The following MGAT4C variants were observed in gnomAD, a reference collection of about 807,000 sequenced individuals.
The protein encoded by MGAT4C is MGAT4 family member C.
A neutral mutation model predicts 40.1 loss-of-function variants in MGAT4C; 19 were observed. That is an observed-to-expected ratio of 0.47 (90% CI 0.33 to 0.70). The LOEUF (loss-of-function observed/expected upper bound fraction) is 0.70. MGAT4C is among the 30% of genes least tolerant of loss of function. The probability of loss-of-function intolerance (pLI) is 0.02; values close to 1 mark genes in which losing one functional copy is unlikely to be tolerated. For synonymous variants in MGAT4C, 181 were observed against 187.1 expected (o/e 0.97, Z 0.27); for missense variants, 491 against 563.2 (o/e 0.87, Z 1.30).
At chr12:86,641,894 T>C (rs1226729122) in intron 2 of MGAT4C, among the ~76,000 whole-genome samples, 1 of 151,912 alleles carries the variant, frequency 6.6e-6, no homozygotes, top group African/African-American at 2.4e-5. Flanking sequence ...AATTGTTCTA[T>C]AAATGCTCAT....
intron 4 of MGAT4C, among the ~76,000 whole-genome samples, chr12:86,273,409 G>C (rs1486529953): frequency 1.3e-5 from 2 of 152,086 alleles, no homozygotes; most frequent in Non-Finnish European, 2.9e-5. Flanking sequence ...AATATATTTA[G>C]AGGAGAAATA....
intron 1 of MGAT4C, among the ~76,000 whole-genome samples, chr12:86,236,130 C>A (rs1566194726): frequency 6.6e-6 from 1 of 151,986 alleles, no homozygotes; most frequent in Non-Finnish European, 1.5e-5. Flanking sequence ...GTTCATGTGT[C>A]ACTGAAAGTA....
At chr12:86,720,153 TA>T (rs1411934253) in intron 2 of MGAT4C, among the ~76,000 whole-genome samples, 2 of 152,212 alleles carry the variant, frequency 1.3e-5, no homozygotes, top group Non-Finnish European at 2.9e-5. Flanking sequence ...CCATTTTCTC[TA>T]AATATGACTT....
chr12:86,269,910 T>C (rs1329941343), intron 4 of MGAT4C, among the ~76,000 whole-genome samples: 4 of 152,202 alleles, frequency 2.6e-5, no homozygotes, highest in Non-Finnish European at 5.9e-5. Context: ...AAAATATATA[T>C]AACATAAAGT....
intron 2 of MGAT4C, among the ~76,000 whole-genome samples, chr12:86,641,354 C>T (rs1963380478): frequency 6.6e-6 from 1 of 150,996 alleles, no homozygotes; most frequent in Non-Finnish European, 1.5e-5. Context: ...GAACATTACA[C>T]TCTGGGGACT....
chr12:86,444,840 TAAAC>T (rs985641886), intron 2 of MGAT4C, among the ~76,000 whole-genome samples: 2 of 152,206 alleles, frequency 1.3e-5, no homozygotes, highest in African/African-American at 2.4e-5. Context: ...CTATACCTCT[TAAAC>T]AACTCCCCAA....
chr12:86,385,482 T>C (rs1956033051), intron 3 of MGAT4C, among the ~76,000 whole-genome samples: 1 of 152,056 alleles, frequency 6.6e-6, no homozygotes, highest in Non-Finnish European at 1.5e-5. Context: ...GAAAAGAAAA[T>C]ATTAGCCTGA....
chr12:86,827,623 A>ACTCTTTGGGTTTCCAATGGGGGTCTTTG (rs1952833167), intron 1 of MGAT4C, among the ~76,000 whole-genome samples: 1 of 151,500 alleles, frequency 6.6e-6, no homozygotes, highest in East Asian at 1.9e-4. Flanking sequence ...GTTCAACGAA[A>ACTCTTTGGGTTTCCAATGGGGGTCTTTG]GAAAAATGCC....
intron 2 of MGAT4C, among the ~76,000 whole-genome samples, chr12:86,685,075 A>G (rs529345261): frequency 3.9e-5 from 6 of 152,124 alleles, no homozygotes; most frequent in African/African-American, 1.4e-4. Context: ...TTTTGTTGCA[A>G]TTGCTTTTGG....
intron 1 of MGAT4C, among the ~76,000 whole-genome samples, chr12:86,053,856 TCATTAC>T (rs1440800474): frequency 2.6e-5 from 4 of 151,856 alleles, no homozygotes; most frequent in Non-Finnish European, 2.9e-5. Context: ...TCAGCCTCAC[TCATTAC>T]CAGAGAAATG....
At chr12:86,431,051 G>C (rs887262811) in intron 3 of MGAT4C, among the ~76,000 whole-genome samples, 3 of 152,208 alleles carry the variant, frequency 2.0e-5, no homozygotes, top group Non-Finnish European at 4.4e-5. Context: ...AAAGGGAGGA[G>C]ATTGGCATCT....
At chr12:86,746,225 G>A (rs1287948911) in intron 1 of MGAT4C, among the ~76,000 whole-genome samples, 1 of 151,566 alleles carries the variant, frequency 6.6e-6, no homozygotes, top group Non-Finnish European at 1.5e-5. Flanking sequence ...TCTCCACAAG[G>A]CAGCTAGAAG....
At chr12:86,372,074 T>C (rs1323820158) in intron 3 of MGAT4C, among the ~76,000 whole-genome samples, 1 of 151,932 alleles carries the variant, frequency 6.6e-6, no homozygotes, top group Non-Finnish European at 1.5e-5. Flanking sequence ...AATAAAATTT[T>C]ATGTATAGTA....
upstream of MGAT4C, among the ~76,000 whole-genome samples, chr12:86,257,999 A>G (rs1245498519): frequency 9.9e-6 from 1 of 100,940 alleles, no homozygotes; most frequent in Non-Finnish European, 2.0e-5. Flanking sequence ...TATAAAATAA[A>G]AAGTATTACA....
intron 1 of MGAT4C, among the ~76,000 whole-genome samples, chr12:86,128,824 T>G (rs1266847233): frequency 6.6e-6 from 1 of 152,212 alleles, no homozygotes; most frequent in Non-Finnish European, 1.5e-5. Context: ...GTTTAAGCCC[T>G]TAATCCATCT....
chr12:86,571,420 TG>T (rs779684653), intron 2 of MGAT4C, among the ~76,000 whole-genome samples: 6 of 151,870 alleles, frequency 4.0e-5, no homozygotes, highest in East Asian at 1.9e-4. Flanking sequence ...TATATATATA[TG>T]AAAAAAATGT....
At chr12:86,179,473 G>C (rs1388388785) in intron 1 of MGAT4C, among the ~76,000 whole-genome samples, 1 of 152,218 alleles carries the variant, frequency 6.6e-6, no homozygotes, top group Non-Finnish European at 1.5e-5. Flanking sequence ...GGAGGGGTCA[G>C]AAGAAGACAG....
At chr12:86,164,965 T>C (rs569932415) in intron 1 of MGAT4C, among the ~76,000 whole-genome samples, 4 of 152,244 alleles carry the variant, frequency 2.6e-5, no homozygotes, top group South Asian at 2.1e-4. Flanking sequence ...GGCTAAAATG[T>C]AGGAAGGGAA....
At chr12:86,639,603 T>C (rs1429743228) in intron 2 of MGAT4C, among the ~76,000 whole-genome samples, 1 of 151,762 alleles carries the variant, frequency 6.6e-6, no homozygotes, top group Non-Finnish European at 1.5e-5. Flanking sequence ...GTTCTTTGAT[T>C]GCCAAGAATA....
Sources: allele counts gnomAD v4.1 joint callset (sites outside exome capture counted in the v4.1 genomes callset), GRCh38; gene constraint gnomAD v4.1.1; transcripts MANE v1.5; gene names NCBI Gene and HGNC (gene_info 2026-07-23, HGNC 2026-07-21).